Variants in PKIA observed in about 807,000 individuals in gnomAD.
PKIA encodes the protein PKI-alpha.
PKIA carries 4 observed loss-of-function variants against 7.6 expected under a neutral mutation model. That is an observed-to-expected ratio of 0.52 (90% CI 0.26 to 1.20). PKIA has a LOEUF of 1.20. Ranked by LOEUF, PKIA falls within the 50% of genes most tolerant of loss-of-function variation. PKIA has a pLI of 0.13. For missense variants in PKIA, 73 were observed against 86.2 expected (o/e 0.85, Z 0.61); for synonymous variants, 21 against 30.7 (o/e 0.68, Z 1.04).
chr8:78,592,774 T>G (rs1462069125), intron 2 of PKIA, among the ~76,000 whole-genome samples: 1 of 152,182 alleles, frequency 6.6e-6, no homozygotes, highest in Admixed American at 6.5e-5. Context: ...ATATATACCT[T>G]CTCATGGAAA....
At chr8:78,578,539 C>A (rs1478879662) in intron 2 of PKIA, among the ~76,000 whole-genome samples, 17 of 5,654 alleles carry the variant, frequency 3.0e-3, no homozygotes, top group South Asian at 0.05. Context: ...AGAAAAAAAT[C>A]ATTATTTTTT....
At chr8:78,525,348 C>T (rs940842459) in intron 1 of PKIA, among the ~76,000 whole-genome samples, 1 of 151,880 alleles carries the variant, frequency 6.6e-6, no homozygotes, top group African/African-American at 2.4e-5. Context: ...AGTACAGTTA[C>T]TGTCAATTGA....
intron 2 of PKIA, among the ~76,000 whole-genome samples, chr8:78,588,409 G>A (rs1337822969): frequency 6.6e-6 from 1 of 152,202 alleles, no homozygotes; most frequent in Non-Finnish European, 1.5e-5. Flanking sequence ...CGACCCAGGA[G>A]GCGGAGGTTG....
intron 1 of PKIA, among the ~76,000 whole-genome samples, chr8:78,570,497 C>T (rs191153315): frequency 1.3e-5 from 2 of 152,274 alleles, no homozygotes; most frequent in African/African-American, 2.4e-5. Context: ...AGGATTGCAA[C>T]TACCCTTCTC....
chr8:78,569,542 T>G (rs941371004), intron 1 of PKIA, among the ~76,000 whole-genome samples: 1 of 152,018 alleles, frequency 6.6e-6, no homozygotes, highest in Non-Finnish European at 1.5e-5. Flanking sequence ...CTAAAAATAA[T>G]AAGTTAAAAT....
intron 1 of PKIA, among the ~76,000 whole-genome samples, chr8:78,565,882 G>A (rs1326733464): frequency 6.6e-6 from 1 of 151,876 alleles, no homozygotes; most frequent in Non-Finnish European, 1.5e-5. Flanking sequence ...CCTGTTATCT[G>A]GAGAGATTTT....
intron 1 of PKIA, among the ~76,000 whole-genome samples, chr8:78,543,477 T>C (rs981638091): frequency 2.0e-5 from 3 of 152,244 alleles, no homozygotes; most frequent in African/African-American, 7.2e-5. Context: ...AACTAGCTTT[T>C]ATAAAACAGA....
chr8:78,601,986 G>A lies in PKIA; in HGVS notation c.*165G>A. 1 of 595,860 alleles carries A rather than the reference G, an allele frequency of 1.7e-6. No individual in the cohort carries two copies. The highest frequency in any genetic ancestry group is 3.0e-6 in the Non-Finnish European group (1 of 337,988). The allele number at this position is 595,860 out of a possible 1,614,324, so 36.9% of individuals were successfully genotyped here. ...AAAAATGAGGGCAGAGGCTGTGGCT[G>A]CAGGCAGACTTTTCCCTACCTCTGT... On this transcript the variant is annotated 3_prime_UTR_variant, in exon 4 of 4. Coordinates refer to ENST00000396418, the MANE Select transcript of PKIA (RefSeq NM_006823.4).
At chr8:78,566,564 C>T (rs1807418858) in intron 1 of PKIA, among the ~76,000 whole-genome samples, 1 of 151,970 alleles carries the variant, frequency 6.6e-6, no homozygotes, top group African/African-American at 2.4e-5. Context: ...GCAAAGTGAG[C>T]CTCCAATTCA....
At chr8:78,550,061 A>T (rs1346199077) in intron 1 of PKIA, among the ~76,000 whole-genome samples, 1 of 152,102 alleles carries the variant, frequency 6.6e-6, no homozygotes, top group African/African-American at 2.4e-5. Flanking sequence ...GCATTCTATT[A>T]AAGAACAGAA....
rs1444876878 is a variant in PKIA, at chr8:78,604,556, A to G, written c.*2735A>G. On this transcript the variant is annotated 3_prime_UTR_variant, in exon 4 of 4. Coordinates refer to ENST00000396418, the MANE Select transcript of PKIA (RefSeq NM_006823.4). ...AGGCTCCCTGGATGGGTAATAACAC[A>G]GATATGAGTAGGTCACATAAAGTAT... The G allele has an allele frequency of 6.6e-6, 1 of 151,992 alleles. No individual in the cohort carries two copies. Among genetic ancestry groups the G allele is most frequent in the Non-Finnish European group, 1.5e-5 (1 of 67,958 alleles). The allele number at this position is 151,992 out of a possible 1,614,324, so 9.4% of individuals were successfully genotyped here.
At chr8:78,597,933 C>G (rs543438402) in intron 2 of PKIA, among the ~76,000 whole-genome samples, 1 of 151,914 alleles carries the variant, frequency 6.6e-6, no homozygotes, top group African/African-American at 2.4e-5. Flanking sequence ...AGGCCATTAT[C>G]CTAAGTAAAT....
At chr8:78,531,281 C>T (rs937097391) in intron 1 of PKIA, among the ~76,000 whole-genome samples, 6 of 152,056 alleles carry the variant, frequency 3.9e-5, no homozygotes, top group Admixed American at 6.6e-5. Context: ...AAAATAATAT[C>T]ATGGCTTGAG....
chr8:78,558,093 C>T (rs1807187322), intron 1 of PKIA, among the ~76,000 whole-genome samples: 1 of 150,794 alleles, frequency 6.6e-6, no homozygotes. Context: ...GTCAGATTCT[C>T]AAAACAAAAT....
rs150773433 is a variant in PKIA, at chr8:78,549,498, A to G, written c.-156-23313A>G. Among the ~76,000 whole-genome samples, 253 of 152,106 alleles carry G rather than the reference A, an allele frequency of 1.7e-3. 2 individuals carry two copies. Among genetic ancestry groups the G allele is most frequent in the Admixed American group, 4.7e-3 (71 of 15,260 alleles). The stretch of plus-strand genomic sequence containing the variant: ...TGAAGATTATTTGTAATTTTGTATA[A>G]TTGATTTAGAAATTCCCATCAAATT... On this transcript the variant is annotated intron_variant, in intron 1 of 3. Coordinates refer to ENST00000396418, the MANE Select transcript of PKIA (RefSeq NM_006823.4).
rs1374687543 is a variant in PKIA at position 78,602,557 on chromosome 8, A to G, written c.*736A>G. On this transcript the variant is annotated 3_prime_UTR_variant, in exon 4 of 4. Coordinates refer to ENST00000396418, the MANE Select transcript of PKIA (RefSeq NM_006823.4). ...AGTCTAACAGATTCATCAAGACTCCATTGCTTTATTATAGAGACATTTGAA... is the reference window on the plus strand; with the variant it reads ...AGTCTAACAGATTCATCAAGACTCCGTTGCTTTATTATAGAGACATTTGAA... 6.6e-6 allele frequency: 1 copy of G among 152,230 alleles called. No individual in the cohort carries two copies. Among genetic ancestry groups the G allele is most frequent in the Non-Finnish European group, 1.5e-5 (1 of 67,918 alleles). The allele number at this position is 152,230 out of a possible 1,614,324, so 9.4% of individuals were successfully genotyped here.
intron 2 of PKIA, among the ~76,000 whole-genome samples, chr8:78,573,291 A>C (rs1292461513): frequency 6.6e-6 from 1 of 152,018 alleles, no homozygotes; most frequent in East Asian, 1.9e-4. Context: ...CCCTCTGTGA[A>C]GGTCATGAAA....
Position 78,522,541 on chromosome 8 carries a change from A to G in PKIA, c.-157+6073A>G, listed in dbSNP as rs10453115. The stretch of plus-strand genomic sequence containing the variant: ...TATCTTAAAAATGAATACAGATACT[A>G]TAAGGAAATCAACTGAACATGATCC... On this transcript the variant is annotated intron_variant, in intron 1 of 3. Coordinates refer to ENST00000396418, the MANE Select transcript of PKIA (RefSeq NM_006823.4). 8.7e-4 allele frequency among the ~76,000 whole-genome samples: 133 copies of G among 152,068 alleles called. 2 individuals are homozygous for G. The highest frequency in any genetic ancestry group is 2.9e-3 in the African/African-American group (122 of 41,544).
chr8:78,599,468 T>A (rs1808305206), intron 3 of PKIA, among the ~76,000 whole-genome samples: 1 of 152,098 alleles, frequency 6.6e-6, no homozygotes, highest in African/African-American at 2.4e-5. Flanking sequence ...TATAGATTAA[T>A]GAAATGGCTC....
Sources: allele counts gnomAD v4.1 joint callset (sites outside exome capture counted in the v4.1 genomes callset), GRCh38; gene constraint gnomAD v4.1.1; transcripts MANE v1.5; gene names NCBI Gene and HGNC (gene_info 2026-07-23, HGNC 2026-07-21).